SLC7A9: variants seen among roughly 807,000 people sequenced by gnomAD.
SLC7A9 encodes the protein solute carrier family 7 member 9, also known as B(0,+)-type amino acid transporter 1.
SLC7A9 carries 38 observed loss-of-function variants against 54.1 expected under a neutral mutation model. The ratio of observed to expected loss-of-function variants is 0.70; its 90% CI spans 0.54 to 0.92. The LOEUF (loss-of-function observed/expected upper bound fraction) is 0.92. Among genes scored for constraint, SLC7A9 ranks in the 40% least tolerant of loss-of-function variants. The pLI is 0.00. For synonymous variants in SLC7A9, 264 were observed against 258.9 expected, an observed-to-expected ratio of 1.02 and a Z score of -0.19; for missense variants, 537 against 636.1, an observed-to-expected ratio of 0.84 and a Z score of 1.68.
At chr19:32,864,525 G>T in intron 3 of SLC7A9, 104 bp downstream of exon 3, 1 of 1,538,000 alleles carries the variant, frequency 6.5e-7, no homozygotes, top group Non-Finnish European at 8.9e-7. Flanking sequence ...TGCCATACAT[G>T]TGCCAAGAGG....
intron 9 of SLC7A9, among the ~76,000 whole-genome samples, chr19:32,848,142 A>C (rs1464814109): frequency 6.6e-6 from 1 of 152,224 alleles, no homozygotes; most frequent in African/African-American, 2.4e-5. Context: ...CGAGCAAAAT[A>C]ACCAGCTAAC....
intron 9 of SLC7A9, among the ~76,000 whole-genome samples, chr19:32,844,367 T>A (rs771837136): frequency 1.3e-5 from 2 of 152,196 alleles, no homozygotes; most frequent in African/African-American, 2.4e-5. Flanking sequence ...CATATTAATA[T>A]TAATGTGAGC....
At chr19:32,867,726 C>T (rs1969013200) in intron 2 of SLC7A9, among the ~76,000 whole-genome samples, 1 of 151,862 alleles carries the variant, frequency 6.6e-6, no homozygotes, top group Non-Finnish European at 1.5e-5. Flanking sequence ...GGGCGGATCA[C>T]TTGAGGCCAG....
At chr19:32,848,184 CA>C (rs1405904196) in intron 9 of SLC7A9, among the ~76,000 whole-genome samples, 3,251 of 104,522 alleles carry the variant, frequency 0.031, no homozygotes, top group African/African-American at 0.038. Context: ...TCACACATAA[CA>C]ATATTAACTT....
At chr19:32,848,128 C>A (rs1367821100) in intron 9 of SLC7A9, among the ~76,000 whole-genome samples, 6 of 151,632 alleles carry the variant, frequency 4.0e-5, no homozygotes, top group African/African-American at 7.3e-5. Context: ...ACTGCATCAA[C>A]TAACGAGCAA....
At position 32,839,414 on chromosome 19, in the gene SLC7A9, G is replaced by A. The variant is rs150641762; in HGVS notation, c.1224+2754C>T. 9.7e-3 allele frequency among the ~76,000 whole-genome samples: 1,482 copies of A among 152,132 alleles called. 27 individuals carry two copies. The highest frequency in any genetic ancestry group is 0.033 in the African/African-American group (1,353 of 41,500). On this transcript the variant is annotated intron_variant, in intron 11 of 12. Transcript: ENST00000023064. ...CTAAAAATATAAAAATTAGCCAGGC[G>A]TGGTGGCACGCGCCTATAATCCCAG...
rs1385283380 is a variant in SLC7A9 at position 32,832,353 on chromosome 19, G to A, written c.1399+796C>T. Among the ~76,000 whole-genome samples, 4 of 151,820 alleles carry A rather than the reference G, an allele frequency of 2.6e-5. No individual in the cohort carries two copies. The East Asian group carries it at 5.8e-4, about 22-fold the overall frequency. On this transcript the variant is annotated intron_variant, in intron 12 of 12. Transcript: ENST00000023064. ...TGTAATCCCAGCACTTTGGGAGGCC[G>A]AGGTGGGTGGATCACCTAAGGTCAG...
At chr19:32,864,419 C>T (rs1968901087) in intron 3 of SLC7A9, 81 bp from the exon 4 acceptor site, 1 of 1,592,922 alleles carries the variant, frequency 6.3e-7, no homozygotes, top group Middle Eastern at 1.8e-4. Context: ...CCACCGGAGG[C>T]TGCGCTCGTA....
At chr19:32,853,916 C>CA (rs139253538) in intron 9 of SLC7A9, among the ~76,000 whole-genome samples, 5,376 of 119,594 alleles carry the variant, frequency 0.045, 135 homozygotes, top group Non-Finnish European at 0.069. Context: ...GATCCTGTCT[C>CA]AAAAAAAAAA....
chr19:32,832,701 C>T (rs1967840145), intron 12 of SLC7A9: 2 of 186,428 alleles, frequency 1.1e-5, no homozygotes, highest in South Asian at 2.2e-4. Context: ...CATTTGAGCC[C>T]AGGAGTTCAA....
intron 9 of SLC7A9, among the ~76,000 whole-genome samples, chr19:32,847,906 T>C (rs537075463): frequency 6.6e-6 from 1 of 152,188 alleles, no homozygotes; most frequent in African/African-American, 2.4e-5. Flanking sequence ...AAAAGAATTT[T>C]CAACCCAGAA....
intron 9 of SLC7A9, among the ~76,000 whole-genome samples, chr19:32,852,722 C>G (rs970104884): frequency 6.6e-6 from 1 of 152,084 alleles, no homozygotes; most frequent in South Asian, 2.1e-4. Flanking sequence ...AAGGTGAATA[C>G]TGTCAAATCT....
At chr19:32,832,226 T>C (rs1049700958) in intron 12 of SLC7A9, among the ~76,000 whole-genome samples, 3 of 151,484 alleles carry the variant, frequency 2.0e-5, no homozygotes, top group Non-Finnish European at 4.4e-5. Flanking sequence ...GAGGCAGAGG[T>C]TGCAGTGAGC....
At chr19:32,847,878 C>A (rs149349906) in intron 9 of SLC7A9, among the ~76,000 whole-genome samples, 2 of 152,136 alleles carry the variant, frequency 1.3e-5, no homozygotes, top group Non-Finnish European at 2.9e-5. Context: ...TGGGGGCCAA[C>A]ATTCAGCATT....
At chr19:32,866,911 A>C (rs1031101584) in intron 2 of SLC7A9, among the ~76,000 whole-genome samples, 4 of 151,960 alleles carry the variant, frequency 2.6e-5, no homozygotes, top group African/African-American at 9.7e-5. Context: ...GCCTTTCCTC[A>C]TCCTAGGAGC....
chr19:32,837,292 C>G (rs1465765929), intron 11 of SLC7A9, among the ~76,000 whole-genome samples: 2 of 152,058 alleles, frequency 1.3e-5, no homozygotes, highest in African/African-American at 2.4e-5. Flanking sequence ...GCCAGGAGTT[C>G]AAGACCAGTC....
chr19:32,868,685 C>A, intron 1 of SLC7A9, 40 bp from the exon 2 acceptor site: 1 of 707,842 alleles, frequency 1.4e-6, no homozygotes, highest in Non-Finnish European at 2.6e-6. Flanking sequence ...CAGGTGGGGG[C>A]CGCTGCCAGT....
intron 7 of SLC7A9, 104 bp from the exon 8 acceptor site, chr19:32,860,068 A>C (rs753635320): frequency 6.2e-7 from 1 of 1,602,372 alleles, no homozygotes; most frequent in South Asian, 1.1e-5. Context: ...CGCAGGTAGC[A>C]GAGGCCCAGC....
chr19:32,860,580 G>A (rs1003635332), intron 7 of SLC7A9, 26 bp downstream of exon 7: 16 of 1,614,056 alleles, frequency 9.9e-6, no homozygotes, highest in Admixed American at 1.7e-5. Flanking sequence ...CCCGGCTACT[G>A]TCCTCTGCAC....
Sources: gnomAD v4.1 joint callset for allele counts (sites outside exome capture counted in the v4.1 genomes callset) on GRCh38, gnomAD v4.1.1 for gene constraint, MANE v1.5 for transcripts, NCBI Gene and HGNC (gene_info 2026-07-23, HGNC 2026-07-21) for gene names.